The following PWWP2A variants were observed in gnomAD, a reference collection of about 807,000 sequenced individuals.
The protein encoded by PWWP2A is PWWP domain containing 2A, also known as PWWP domain-containing protein 2A.
A neutral mutation model predicts 48.5 loss-of-function variants in PWWP2A; 18 were observed. That is an observed-to-expected ratio of 0.37 (90% CI 0.26 to 0.55). The LOEUF (loss-of-function observed/expected upper bound fraction) is 0.55. PWWP2A is among the 20% of genes least tolerant of loss of function. The pLI is 0.81. For synonymous variants in PWWP2A, 396 were observed against 387.7 expected, an observed-to-expected ratio of 1.02 and a Z score of -0.25; for missense variants, 867 against 976.4, an observed-to-expected ratio of 0.89 and a Z score of 1.49.
downstream of PWWP2A, among the ~76,000 whole-genome samples, chr5:160,087,922 C>A (rs1754767991): frequency 6.6e-6 from 1 of 152,130 alleles, no homozygotes; most frequent in Non-Finnish European, 1.5e-5. Flanking sequence ...CACCAAAATA[C>A]CCTGGAAAAC....
At chr5:160,045,241 C>T in the PWWP2A span, among the ~76,000 whole-genome samples, 117 of 151,950 alleles carry the variant, frequency 7.7e-4, no homozygotes, top group African/African-American at 2.5e-3. Flanking sequence ...AGCTGCAGCC[C>T]GAAGTGTAGG....
chr5:160,091,770 T>C lies in PWWP2A; in HGVS notation c.*612A>G, dbSNP rs760366825. The stretch of plus-strand genomic sequence containing the variant: ...CTGGGCTATTTCCCCAGTCTGTAAC[T>C]GAATTGCAACCATCTGTTTGTCAAA... On this transcript the variant is annotated 3_prime_UTR_variant, in exon 2 of 2. Coordinates refer to ENST00000307063, the MANE Select transcript of PWWP2A (RefSeq NM_001130864.2). The C allele has an allele frequency of 1.7e-5, 17 of 985,246 alleles. No homozygotes were observed. The highest frequency in any genetic ancestry group is 1.9e-5 in the Non-Finnish European group (16 of 829,858). The allele number at this position is 985,246 out of a possible 1,614,324, so 61.0% of individuals were successfully genotyped here. A position where few individuals can be genotyped will look rare whatever the true frequency, so the allele number is the denominator to read the frequency against.
Position 160,119,151 on chromosome 5 carries a change from G to A in PWWP2A, c.238C>T (p.Arg80Cys), listed in dbSNP as rs200008605. The A allele has an allele frequency of 2.0e-4, 312 of 1,549,712 alleles. No homozygotes were observed. Among genetic ancestry groups the A allele is most frequent in the African/African-American group, 3.7e-4 (26 of 69,872 alleles). Residue 80 changes from arginine (R) to cysteine (C), a missense_variant, in exon 1 of 2, where the codon CGC becomes TGC. Arg to Cys is a radical substitution (Grantham distance 180). Coordinates refer to ENST00000307063, the MANE Select transcript of PWWP2A (RefSeq NM_001130864.2). ...TCCGGCCCCACCGCCTCTGGGCTGC[G>A]GGCGAGCTCCCCCGGCGGCGGCGGT... Reference protein sequence around the residue: ...PPPPPPGELARSPEAVGPELE... With the variant: ...PPPPPPGELACSPEAVGPELE...
Position 160,094,467 on chromosome 5 carries a change from A to G in PWWP2A, c.585-402T>C, listed in dbSNP as rs74499191. ...CACACATATATTTCTTCCTCTGGTT[A>G]TAACAGCTTTCAAAACCTCCACAAA... On this transcript the variant is annotated intron_variant, in intron 1 of 1. Coordinates refer to ENST00000307063, the MANE Select transcript of PWWP2A (RefSeq NM_001130864.2). Among the ~76,000 whole-genome samples, 1,339 of 152,350 alleles carry G rather than the reference A, an allele frequency of 8.8e-3. 13 individuals are homozygous for G. Among genetic ancestry groups the G allele is most frequent in the Middle Eastern group, 0.02 (6 of 294 alleles).
chr5:160,118,106 A>G (rs569010305), intron 1 of PWWP2A, among the ~76,000 whole-genome samples: 7 of 152,358 alleles, frequency 4.6e-5, no homozygotes, highest in African/African-American at 1.4e-4. Flanking sequence ...GTTAGAAGTT[A>G]CTTGAACATT....
chr5:160,068,623 T>C (rs1403363105), intron 2 of PWWP2A, among the ~76,000 whole-genome samples: 1 of 152,144 alleles, frequency 6.6e-6, no homozygotes, highest in Non-Finnish European at 1.5e-5. Flanking sequence ...TTTTGATCTT[T>C]TAGAATTGCC....
chr5:160,107,097 A>G (rs1339599457), intron 1 of PWWP2A, among the ~76,000 whole-genome samples: 3 of 152,086 alleles, frequency 2.0e-5, no homozygotes, highest in African/African-American at 7.2e-5. Flanking sequence ...AAGTGCTGGG[A>G]TTTATAGGCA....
chr5:160,050,185 C>T, the PWWP2A span, among the ~76,000 whole-genome samples: 10,170 of 151,486 alleles, frequency 0.067, 380 homozygotes, highest in East Asian at 0.12. Context: ...CAGTGGCTCA[C>T]GCCTGTACTC....
chr5:160,103,107 C>G (rs1756484294), intron 1 of PWWP2A, among the ~76,000 whole-genome samples: 1 of 152,104 alleles, frequency 6.6e-6, no homozygotes. Context: ...TCAAACAGTT[C>G]AGGAAACAAA....
intron 1 of PWWP2A, among the ~76,000 whole-genome samples, chr5:160,117,181 C>T (rs1211790665): frequency 1.3e-5 from 2 of 152,186 alleles, no homozygotes; most frequent in Admixed American, 6.5e-5. Flanking sequence ...GAGTGCAGGC[C>T]GGGCACAGTG....
intron 1 of PWWP2A, among the ~76,000 whole-genome samples, chr5:160,112,315 G>A (rs1210830987): frequency 6.6e-6 from 1 of 152,008 alleles, no homozygotes; most frequent in Non-Finnish European, 1.5e-5. Flanking sequence ...CCACCTCCCA[G>A]GTTCAAGCAA....
chr5:160,076,310 GA>G (rs1753884879), exon 4 of PWWP2A: 1 of 152,064 alleles, frequency 6.6e-6, no homozygotes, highest in African/African-American at 2.4e-5. Flanking sequence ...TAAAAATCTT[GA>G]TTATACACTT....
intron 1 of PWWP2A, among the ~76,000 whole-genome samples, chr5:160,098,950 AAAAAC>A (rs1477310265): frequency 4.6e-5 from 7 of 152,180 alleles, no homozygotes; most frequent in African/African-American, 1.4e-4. Context: ...CCTCAAAAAG[AAAAAC>A]AAAACAAAAC....
chr5:160,068,607 A>G (rs1477238503), intron 2 of PWWP2A, among the ~76,000 whole-genome samples: 1 of 152,102 alleles, frequency 6.6e-6, no homozygotes, highest in Non-Finnish European at 1.5e-5. Context: ...TCAAAAAAAT[A>G]ATAATTTTTG....
intron 1 of PWWP2A, among the ~76,000 whole-genome samples, chr5:160,094,382 C>A (rs756511707): frequency 6.6e-6 from 1 of 152,206 alleles, no homozygotes; most frequent in African/African-American, 2.4e-5. Flanking sequence ...GCATCACATA[C>A]ATTACATTCA....
intron 1 of PWWP2A, among the ~76,000 whole-genome samples, chr5:160,109,177 T>A (rs1366470088): frequency 6.6e-6 from 1 of 151,970 alleles, no homozygotes; most frequent in Non-Finnish European, 1.5e-5. Flanking sequence ...AGAGATGGGG[T>A]TTCGCCATGT....
chr5:160,097,064 C>T (rs2113560573), intron 1 of PWWP2A, among the ~76,000 whole-genome samples: 1 of 152,238 alleles, frequency 6.6e-6, no homozygotes, highest in East Asian at 1.9e-4. Context: ...CAGCCTGATG[C>T]AGTGGCTCAC....
chr5:160,103,775 T>TGGAG (rs1348326027), intron 1 of PWWP2A, among the ~76,000 whole-genome samples: 1 of 151,882 alleles, frequency 6.6e-6, no homozygotes, highest in Non-Finnish European at 1.5e-5. Flanking sequence ...TGTGCCTGAG[T>TGGAG]GGAGAGGGCT....
At chr5:160,109,821 TA>T (rs1237838799) in intron 1 of PWWP2A, among the ~76,000 whole-genome samples, 56 of 86,758 alleles carry the variant, frequency 6.5e-4, no homozygotes, top group East Asian at 1.6e-3. Flanking sequence ...AATAATATAA[TA>T]ATATATATAT....
Sources: allele counts gnomAD v4.1 joint callset (sites outside exome capture counted in the v4.1 genomes callset), GRCh38; gene constraint gnomAD v4.1.1; transcripts MANE v1.5; gene names NCBI Gene and HGNC (gene_info 2026-07-23, HGNC 2026-07-21).